Variants in MRO observed in about 807,000 individuals in gnomAD.
The protein encoded by MRO is maestro, also known as protein maestro.
In MRO, 28 loss-of-function variants were observed where a neutral mutation model predicts 31.0. That is an observed-to-expected ratio of 0.90 (90% confidence interval 0.67 to 1.24). The LOEUF (loss-of-function observed/expected upper bound fraction) is 1.24. Ranked by LOEUF, MRO falls within the 50% of genes most tolerant of loss-of-function variation. The probability of loss-of-function intolerance (pLI) is 0.00; values close to 1 mark genes in which losing one functional copy is unlikely to be tolerated. For synonymous variants in MRO, 108 were observed against 108.4 expected, an observed-to-expected ratio of 1.00 and a Z score of 0.02; for missense variants, 332 against 289.2, an observed-to-expected ratio of 1.15 and a Z score of -1.07.
chr18:50,820,138 G>A, upstream of MRO: 1 of 618,032 alleles, frequency 1.6e-6, no homozygotes, highest in Non-Finnish European at 2.9e-6. Flanking sequence ...AGCCGCCGCC[G>A]TGGCTGCCTC....
chr18:50,817,940 G>T lies in MRO; in HGVS notation c.-5+1641C>A, dbSNP rs1048678070. Among the ~76,000 whole-genome samples the T allele has an allele frequency of 7.2e-5, 11 of 152,050 alleles. No individual in the cohort carries two copies. In the South Asian group the frequency reaches 1.7e-3, roughly 23 times the overall value. Reference sequence around the variant, plus strand: ...TTAGGAGTTAAATCAAGGTCACAAGGCCCCTCGCTGGAGCCTTGTGTTTCT... The same window carrying T: ...TTAGGAGTTAAATCAAGGTCACAAGTCCCCTCGCTGGAGCCTTGTGTTTCT... On this transcript the variant is annotated intron_variant, in intron 2 of 7. Transcript: ENST00000398439.
At chr18:50,801,213 A>G in intron 6 of MRO, 136 bp downstream of exon 6, 2 of 721,548 alleles carry the variant, frequency 2.8e-6, no homozygotes, top group Non-Finnish European at 4.5e-6. Context: ...CACCTTGTCA[A>G]GGATGCACAC....
chr18:50,799,932 T>G, intron 7 of MRO, 104 bp downstream of exon 7: 2 of 775,982 alleles, frequency 2.6e-6, no homozygotes, highest in East Asian at 2.6e-5. Flanking sequence ...TTGGCCTGAG[T>G]CATTTTAAGG....
intron 5 of MRO, among the ~76,000 whole-genome samples, chr18:50,804,787 ATTTC>A (rs1230164613): frequency 1.3e-5 from 2 of 151,778 alleles, no homozygotes; most frequent in Non-Finnish European, 2.9e-5. Flanking sequence ...CGCAGCTCAC[ATTTC>A]TTTCTTTCTT....
chr18:50,814,947 G>A (rs553440612), intron 2 of MRO, among the ~76,000 whole-genome samples: 3 of 152,290 alleles, frequency 2.0e-5, no homozygotes, highest in East Asian at 3.9e-4. Flanking sequence ...TGTAATCCCA[G>A]CTACTTGGGA....
At chr18:50,820,435 C>T (rs772992938), upstream of MRO, among the ~76,000 whole-genome samples, 65 of 152,322 alleles carry the variant, frequency 4.3e-4, 1 homozygote, top group Non-Finnish European at 7.3e-4. Context: ...TCTCCAAACA[C>T]GTGCATAAAT....
intron 3 of MRO, among the ~76,000 whole-genome samples, chr18:50,808,669 G>A (rs1914164669): frequency 6.6e-6 from 1 of 150,986 alleles, no homozygotes; most frequent in Non-Finnish European, 1.5e-5. Flanking sequence ...GTTGCCGGCT[G>A]GTCTAGAACT....
At chr18:50,822,312 G>A (rs1458060815), upstream of MRO, among the ~76,000 whole-genome samples, 1 of 152,128 alleles carries the variant, frequency 6.6e-6, no homozygotes, top group East Asian at 1.9e-4. Context: ...ATTACAATGT[G>A]TAATCAGGAA....
rs1245421990 is a variant in MRO at position 50,797,615 on chromosome 18, C to T, written c.*1722G>A. 6.6e-6 allele frequency: 1 copy of T among 152,326 alleles called. No individual in the cohort carries two copies. The highest frequency in any genetic ancestry group is 1.9e-4 in the East Asian group (1 of 5,180). The allele number at this position is 152,326 out of a possible 1,614,324, so 9.4% of individuals were successfully genotyped here. A position where few individuals can be genotyped will look rare whatever the true frequency, so the allele number is the denominator to read the frequency against. On this transcript the variant is annotated 3_prime_UTR_variant, in exon 8 of 8. Coordinates refer to ENST00000398439, the MANE Select transcript of MRO (RefSeq NM_031939.6). Reference sequence around the variant, plus strand: ...TTCTACTCCAGAGCACGTAACCCCACCCATCTCACCCTATCCCCACCTTTT... The same window carrying T: ...TTCTACTCCAGAGCACGTAACCCCATCCATCTCACCCTATCCCCACCTTTT...
At chr18:50,800,498 A>G (rs1275089539) in intron 6 of MRO, among the ~76,000 whole-genome samples, 1 of 152,252 alleles carries the variant, frequency 6.6e-6, no homozygotes, top group African/African-American at 2.4e-5. Flanking sequence ...ACGTTCACCA[A>G]GTCCCACTCC....
At chr18:50,820,949 C>T (rs1915280317), upstream of MRO, among the ~76,000 whole-genome samples, 1 of 152,126 alleles carries the variant, frequency 6.6e-6, no homozygotes, top group African/African-American at 2.4e-5. Flanking sequence ...GCTAAAACAC[C>T]ACCCTCTTCA....
upstream of MRO, chr18:50,824,234 A>T (rs1373018094): frequency 6.6e-6 from 1 of 152,238 alleles, no homozygotes; most frequent in African/African-American, 2.4e-5. Flanking sequence ...TAGGAGTTTG[A>T]GACCAGCCTA....
intron 4 of MRO, among the ~76,000 whole-genome samples, chr18:50,805,538 CAG>C (rs1568128560): frequency 6.6e-6 from 1 of 152,150 alleles, no homozygotes; most frequent in East Asian, 1.9e-4. Context: ...GGAAGGAAAA[CAG>C]AAAGAGCAAT....
At chr18:50,815,147 A>C (rs1407567553) in intron 2 of MRO, 1 of 208,144 alleles carries the variant, frequency 4.8e-6, no homozygotes, top group Non-Finnish European at 1.0e-5. Flanking sequence ...TTTGATGATC[A>C]TGAAACAAAT....
upstream of MRO, among the ~76,000 whole-genome samples, chr18:50,820,523 G>C (rs1421262248): frequency 6.6e-6 from 1 of 152,134 alleles, no homozygotes; most frequent in East Asian, 1.9e-4. Context: ...AAGGAAAAAA[G>C]AACAGTTATA....
In MRO at chr18:50,805,228, C is replaced by T. The variant is rs1247067434; in HGVS notation, c.355G>A (p.Gly119Ser). The T allele has an allele frequency of 6.2e-7, 1 of 1,613,972 alleles. No individual in the cohort carries two copies. Among genetic ancestry groups the T allele is most frequent in the South Asian group, 1.1e-5 (1 of 91,066 alleles). ...CCCAAACCTTTCCCCTGGATCTTGC[C>T]CAGAACGACGGTCAGAGTCTTCATA... The part of the protein sequence containing the change: ...ESMKTLTVVL[G>S]KIQGKGLGSF... Residue 119 changes from glycine (G) to serine (S), a missense_variant, in exon 5 of 8, where the codon GGC becomes AGC. By Grantham distance (56) the Gly-to-Ser change is moderately conservative. Transcript: ENST00000398439.
chr18:50,821,675 T>C (rs72927749), upstream of MRO, among the ~76,000 whole-genome samples: 1,942 of 152,294 alleles, frequency 0.013, 15 homozygotes, highest in Non-Finnish European at 0.019. Context: ...TAATAACCCC[T>C]TGTGTCTAAA....
chr18:50,808,457 C>CTT (rs56936277), intron 3 of MRO, among the ~76,000 whole-genome samples: 73,801 of 142,566 alleles, frequency 0.52, 19,013 homozygotes, highest in South Asian at 0.62. Flanking sequence ...TTTATCTTAT[C>CTT]TTTTTTTTTT....
chr18:50,806,737 G>A lies in MRO; in HGVS notation c.213C>T (p.Asn71=), dbSNP rs779828288. 1 of 1,614,164 alleles carries A rather than the reference G, an allele frequency of 6.2e-7. No homozygotes were observed. Among genetic ancestry groups the A allele is most frequent in the South Asian group, 1.1e-5 (1 of 91,076 alleles). ...GGGCTTCATAGGCCATGGTTCCCAA[G>A]TTTCTCATTGCCATGTGACGCTTTT... ...SAKKRHMAMR[N]LGTMAYEAPD... Residue 71 remains asparagine, a synonymous_variant, in exon 4 of 8, where the codon AAC becomes AAT. Transcript: ENST00000398439.
Sources: allele counts gnomAD v4.1 joint callset (sites outside exome capture counted in the v4.1 genomes callset), GRCh38; gene constraint gnomAD v4.1.1; transcripts MANE v1.5; gene names NCBI Gene and HGNC (gene_info 2026-07-23, HGNC 2026-07-21).